The following PDIA6 variants were observed in gnomAD, a reference collection of about 807,000 sequenced individuals.
The protein encoded by PDIA6 is protein disulfide-isomerase A6.
A neutral mutation model predicts 58.4 loss-of-function variants in PDIA6; 29 were observed. The ratio of observed to expected loss-of-function variants is 0.50; its 90% confidence interval spans 0.37 to 0.68. The LOEUF (loss-of-function observed/expected upper bound fraction) is 0.68, where lower values mean the gene tolerates loss of function less well. Among genes scored for constraint, PDIA6 ranks in the 30% least tolerant of loss-of-function variants. The pLI is 0.00. For missense variants in PDIA6, 480 were observed against 551.0 expected (o/e 0.87, Z 1.29); for synonymous variants, 192 against 202.6 (o/e 0.95, Z 0.44).
intron 2 of PDIA6, among the ~76,000 whole-genome samples, chr2:10,818,893 A>G (rs1225634201): frequency 6.6e-6 from 1 of 152,122 alleles, no homozygotes; most frequent in African/African-American, 2.4e-5. Flanking sequence ...CTTCATCTCC[A>G]GAGCTTTTTA....
chr2:10,785,372 T>C (rs762511566), intron 11 of PDIA6, among the ~76,000 whole-genome samples: 47 of 152,214 alleles, frequency 3.1e-4, no homozygotes, highest in Non-Finnish European at 6.2e-4. Flanking sequence ...CTGCGAGCTT[T>C]CTAAGACTGC....
intron 1 of PDIA6, among the ~76,000 whole-genome samples, chr2:10,811,969 C>T (rs892283013): frequency 2.0e-5 from 3 of 152,140 alleles, no homozygotes; most frequent in Admixed American, 6.5e-5. Flanking sequence ...GCTGGAGTGG[C>T]GCGATCTCGG....
rs746232430 is a variant in PDIA6 at position 10,812,710 on chromosome 2, C to T, written c.-14G>A. On this transcript the variant is annotated 5_prime_UTR_variant, in exon 1 of 13. Coordinates refer to ENST00000272227, the MANE Select transcript of PDIA6 (RefSeq NM_005742.4). ...CAGGAGAGCCATGCCGAGCGCCGGG[C>T]TACGTGCAGTCCCCACCGCCGCCGC... The T allele has an allele frequency of 4.6e-6, 7 of 1,522,686 alleles. No individual in the cohort carries two copies. Among genetic ancestry groups the T allele is most frequent in the Middle Eastern group, 1.8e-4 (1 of 5,686 alleles). 94.3% of individuals were successfully genotyped at this position (1,522,686 alleles called of 1,614,324 possible).
At chr2:10,807,164 G>A (rs1409317186) in intron 1 of PDIA6, among the ~76,000 whole-genome samples, 1 of 152,156 alleles carries the variant, frequency 6.6e-6, no homozygotes. Flanking sequence ...ACTTCAACAA[G>A]GTTTTCCTAT....
chr2:10,817,826 C>T (rs1667246590), intron 2 of PDIA6, among the ~76,000 whole-genome samples: 1 of 152,210 alleles, frequency 6.6e-6, no homozygotes, highest in Non-Finnish European at 1.5e-5. Context: ...GTAGCTGTTA[C>T]TTTAGAGAGA....
chr2:10,809,412 T>C (rs187549680), intron 1 of PDIA6, among the ~76,000 whole-genome samples: 2 of 152,008 alleles, frequency 1.3e-5, no homozygotes, highest in Non-Finnish European at 1.5e-5. Flanking sequence ...TGTGGTGGCT[T>C]AGGCCTGTAA....
At chr2:10,793,606 C>T (rs1057246810) in intron 4 of PDIA6, among the ~76,000 whole-genome samples, 2 of 152,040 alleles carry the variant, frequency 1.3e-5, no homozygotes, top group African/African-American at 4.8e-5. Context: ...TCAAGTGATC[C>T]GCCCACCTCA....
In PDIA6 at chr2:10,783,482, A is replaced by G. The variant is rs1665523928; in HGVS notation, c.*776T>C. The G allele has an allele frequency of 6.5e-6, 3 of 461,098 alleles. No individual in the cohort carries two copies. The highest frequency in any genetic ancestry group is 4.0e-5 in the East Asian group (1 of 25,244). The allele number at this position is 461,098 out of a possible 1,614,324, so 28.6% of individuals were successfully genotyped here. On this transcript the variant is annotated 3_prime_UTR_variant, in exon 13 of 13. Coordinates refer to ENST00000272227, the MANE Select transcript of PDIA6 (RefSeq NM_005742.4). ...ACAAATTCAAAACTTCATTTTCTGA[A>G]TGTTTTACATAAATGCGAACTACCT...
intron 12 of PDIA6, 178 bp from the exon 13 acceptor site, chr2:10,784,504 A>C (rs1354677020): frequency 7.2e-6 from 4 of 554,604 alleles, no homozygotes; most frequent in African/African-American, 1.9e-5. Flanking sequence ...AAAAGCTCAG[A>C]ACTCAGGTGA....
chr2:10,813,017 C>G (rs571722885), upstream of PDIA6, among the ~76,000 whole-genome samples: 1 of 152,076 alleles, frequency 6.6e-6, no homozygotes, highest in East Asian at 1.9e-4. Context: ...CTCGCACCGC[C>G]TCAGCTCCTC....
At chr2:10,812,511 G>A (rs1667044159) in intron 1 of PDIA6, among the ~76,000 whole-genome samples, 167 bp downstream of exon 1, 1 of 151,612 alleles carries the variant, frequency 6.6e-6, no homozygotes, top group Non-Finnish European at 1.5e-5. Flanking sequence ...CCGCACCTCC[G>A]CCGGGGCAAC....
At chr2:10,796,154 C>T (rs549719453) in intron 4 of PDIA6, among the ~76,000 whole-genome samples, 276 of 151,372 alleles carry the variant, frequency 1.8e-3, no homozygotes, top group Non-Finnish European at 2.9e-3. Context: ...TCCGGGTTCA[C>T]GCCATTCTCC....
chr2:10,812,671 C>T lies in PDIA6; in HGVS notation c.19+7G>A. 1 of 1,534,888 alleles carries T rather than the reference C, an allele frequency of 6.5e-7. No homozygotes were observed. On this transcript the variant is annotated splice_region_variant and intron_variant, in intron 1 of 12. Coordinates refer to ENST00000272227, the MANE Select transcript of PDIA6 (RefSeq NM_005742.4). Reference sequence around the variant, plus strand: ...TCGCCCGCCTCCCTCCGCTGGCCCGCACCTACCGAGCACCAGGAGAGCCAT... The same window carrying T: ...TCGCCCGCCTCCCTCCGCTGGCCCGTACCTACCGAGCACCAGGAGAGCCAT...
intron 1 of PDIA6, chr2:10,819,481 C>T (rs141847337): frequency 1.6e-3 from 1,002 of 612,150 alleles, no homozygotes; most frequent in Non-Finnish European, 2.4e-3. Context: ...TGTTAATCAA[C>T]GAAAAGTTAT....
At chr2:10,818,450 A>G (rs1316954453) in intron 2 of PDIA6, among the ~76,000 whole-genome samples, 1 of 151,710 alleles carries the variant, frequency 6.6e-6, no homozygotes, top group Non-Finnish European at 1.5e-5. Context: ...TACAGGCGTG[A>G]GCCACTGTGC....
At position 10,789,777 on chromosome 2, in the gene PDIA6, T is replaced by C. The variant is rs150300054; in HGVS notation, c.812A>G (p.Asp271Gly). 6.8e-6 allele frequency: 11 copies of C among 1,613,766 alleles called. No homozygotes were observed. The highest frequency in any genetic ancestry group is 4.0e-5 in the African/African-American group (3 of 74,840). Residue 271 changes from aspartate to glycine, a missense_variant, in exon 8 of 13, where the codon GAT becomes GGT. Coordinates refer to ENST00000272227, the MANE Select transcript of PDIA6 (RefSeq NM_005742.4). ...IVSRALDLFSDNAPPPELLEI... is the reference protein window; with the variant it reads ...IVSRALDLFSGNAPPPELLEI... ...AAGCAGCTCAGGAGGTGGGGCGTTA[T>C]CAGAAAACAAATCAAGGGCCCGGGA...
exon 2 of PDIA6, chr2:10,819,291 G>A: frequency 6.5e-7 from 1 of 1,534,170 alleles, no homozygotes; most frequent in Non-Finnish European, 8.8e-7. Flanking sequence ...ATTAGCCATG[G>A]TGGTTGATGG....
upstream of PDIA6, among the ~76,000 whole-genome samples, chr2:10,816,124 C>T (rs1667186626): frequency 8.6e-6 from 1 of 116,808 alleles, no homozygotes; most frequent in African/African-American, 3.2e-5. Context: ...CTCTTGTTGC[C>T]CAGGCTGGAG....
At chr2:10,828,711 C>T (rs112766717) in intron 1 of PDIA6, among the ~76,000 whole-genome samples, 6 of 152,360 alleles carry the variant, frequency 3.9e-5, no homozygotes, top group African/African-American at 9.6e-5. Flanking sequence ...TGAGGACAGG[C>T]GCTGCGAATA....
Sources: gnomAD v4.1 joint callset for allele counts (sites outside exome capture counted in the v4.1 genomes callset) on GRCh38, gnomAD v4.1.1 for gene constraint, MANE v1.5 for transcripts, NCBI Gene and HGNC (gene_info 2026-07-23, HGNC 2026-07-21) for gene names.